PDE4D: variants seen among roughly 807,000 people sequenced by gnomAD.
PDE4D encodes the protein phosphodiesterase 4D.
A neutral mutation model predicts 87.4 loss-of-function variants in PDE4D; 24 were observed. The ratio of observed to expected loss-of-function variants is 0.27; its 90% CI spans 0.20 to 0.39. The LOEUF is 0.39. Among genes scored for constraint, PDE4D ranks in the 10% least tolerant of loss-of-function variants. The pLI is 1.00. For synonymous variants in PDE4D, 384 were observed against 383.2 expected (o/e 1.00, Z -0.02); for missense variants, 714 against 1,041.0 (o/e 0.69, Z 4.32).
intron 1 of PDE4D, among the ~76,000 whole-genome samples, chr5:60,411,706 T>C (rs1742061062): frequency 6.6e-6 from 1 of 152,196 alleles, no homozygotes. Flanking sequence ...AATCAGGGAT[T>C]AAAAACCAGA....
At position 59,397,451 on chromosome 5, in the gene PDE4D, G is replaced by A. The variant is rs555081839; in HGVS notation, c.456-181483C>T. Among the ~76,000 whole-genome samples, 9 of 118,406 alleles carry A rather than the reference G, an allele frequency of 7.6e-5. 2 individuals are homozygous for A. Among genetic ancestry groups the A allele is most frequent in the African/African-American group, 3.1e-4 (9 of 29,296 alleles). 77.7% of individuals were successfully genotyped at this position (118,406 alleles called of 152,430 possible). ...TCACTCAAAACCGCTCAACTACATG[G>A]AAACCGAACAACCTGCTCCTGAATG... On this transcript the variant is annotated intron_variant, in intron 1 of 14. Transcript: ENST00000340635.
chr5:59,470,010 C>A (rs1449678370), intron 1 of PDE4D, among the ~76,000 whole-genome samples: 1 of 152,054 alleles, frequency 6.6e-6, no homozygotes, highest in Non-Finnish European at 1.5e-5. Flanking sequence ...CAGGGCCCAC[C>A]AAGATAGCAT....
At chr5:59,733,720 T>A (rs1017111021) in intron 1 of PDE4D, among the ~76,000 whole-genome samples, 3 of 151,126 alleles carry the variant, frequency 2.0e-5, no homozygotes, top group African/African-American at 7.4e-5. Flanking sequence ...GGTAATAGCA[T>A]CCATATTACC....
chr5:59,877,707 T>C (rs56936926), intron 1 of PDE4D, among the ~76,000 whole-genome samples: 3,901 of 151,830 alleles, frequency 0.026, 162 homozygotes, highest in African/African-American at 0.09. Flanking sequence ...TGGTCCTAGC[T>C]ACTTGGGAGG....
chr5:59,302,342 C>T (rs1278497087), intron 1 of PDE4D, among the ~76,000 whole-genome samples: 1 of 151,644 alleles, frequency 6.6e-6, no homozygotes, highest in African/African-American at 2.4e-5. Flanking sequence ...CTTTACTTTG[C>T]TTCAATAAAC....
chr5:60,364,790 T>C (rs1003426591), intron 1 of PDE4D, among the ~76,000 whole-genome samples: 3 of 152,240 alleles, frequency 2.0e-5, no homozygotes, highest in Admixed American at 1.3e-4. Flanking sequence ...TGTAGATTAA[T>C]GTGCCTAAAA....
rs1159604257 is a variant in PDE4D at position 59,371,405 on chromosome 5, G to A, written c.456-155437C>T. ...AGATTAGAGGCAGAGAGACAATGTCGTGAACTTTCCCCCACTCGAATCCTC... is the reference window on the plus strand; with the variant it reads ...AGATTAGAGGCAGAGAGACAATGTCATGAACTTTCCCCCACTCGAATCCTC... On this transcript the variant is annotated intron_variant, in intron 1 of 14. Coordinates refer to ENST00000340635, the MANE Select transcript of PDE4D (RefSeq NM_001104631.2). Among the ~76,000 whole-genome samples the A allele has an allele frequency of 3.3e-5, 5 of 152,164 alleles. No homozygotes were observed. In the East Asian group the frequency reaches 7.7e-4, roughly 23 times the overall value.
At chr5:59,704,879 T>C (rs996505008) in intron 1 of PDE4D, among the ~76,000 whole-genome samples, 1 of 152,186 alleles carries the variant, frequency 6.6e-6, no homozygotes, top group African/African-American at 2.4e-5. Flanking sequence ...CCTTAAAATG[T>C]TTCCTTTGAA....
At chr5:60,290,991 T>C (rs1207638922) in intron 1 of PDE4D, among the ~76,000 whole-genome samples, 1 of 152,208 alleles carries the variant, frequency 6.6e-6, no homozygotes, top group Non-Finnish European at 1.5e-5. Flanking sequence ...CTGAATATTT[T>C]CTAAAGAACG....
chr5:59,064,628 T>A (rs1284471477), intron 5 of PDE4D, among the ~76,000 whole-genome samples: 4 of 152,172 alleles, frequency 2.6e-5, no homozygotes. Context: ...GGTGATTTGT[T>A]AATTCAGTTG....
intron 1 of PDE4D, among the ~76,000 whole-genome samples, chr5:59,573,644 A>G (rs552848391): frequency 1.2e-4 from 19 of 152,092 alleles, no homozygotes; most frequent in Middle Eastern, 3.4e-3. Context: ...AGAGCACTTG[A>G]GCACCTACCT....
At chr5:60,046,644 G>A (rs1168297755) in intron 2 of PDE4D, among the ~76,000 whole-genome samples, 5 of 150,142 alleles carry the variant, frequency 3.3e-5, no homozygotes, top group Non-Finnish European at 4.5e-5. Flanking sequence ...TTTGTCTTTG[G>A]TTCTGTTTAT....
chr5:60,337,657 T>C (rs527538074), intron 1 of PDE4D, among the ~76,000 whole-genome samples: 1 of 152,124 alleles, frequency 6.6e-6, no homozygotes, highest in East Asian at 1.9e-4. Context: ...TGTACACTAC[T>C]CGGTATCAGA....
intron 1 of PDE4D, among the ~76,000 whole-genome samples, chr5:59,878,874 T>G (rs2152744075): frequency 6.8e-6 from 1 of 146,086 alleles, no homozygotes; most frequent in African/African-American, 2.5e-5. Flanking sequence ...GGTCTACATA[T>G]CTACCGAAGT....
chr5:59,527,368 T>A (rs1291459226), intron 1 of PDE4D, among the ~76,000 whole-genome samples: 1 of 152,200 alleles, frequency 6.6e-6, no homozygotes, highest in East Asian at 1.9e-4. Context: ...TCTAGTACTA[T>A]GTTCACAAAG....
At chr5:59,533,863 G>A (rs746320791) in intron 1 of PDE4D, among the ~76,000 whole-genome samples, 2 of 152,110 alleles carry the variant, frequency 1.3e-5, no homozygotes, top group Non-Finnish European at 2.9e-5. Context: ...AATCTTGTTT[G>A]ATAGTGTATA....
intron 1 of PDE4D, among the ~76,000 whole-genome samples, chr5:59,409,322 A>G (rs1792253962): frequency 6.6e-6 from 1 of 152,178 alleles, no homozygotes; most frequent in Non-Finnish European, 1.5e-5. Context: ...GGAATGAGTT[A>G]TGACTCTGGG....
chr5:59,653,353 G>A (rs1208965127), intron 1 of PDE4D, among the ~76,000 whole-genome samples: 2 of 151,914 alleles, frequency 1.3e-5, no homozygotes, highest in Non-Finnish European at 2.9e-5. Flanking sequence ...ACAGGCGCCC[G>A]CCACCACGCC....
chr5:60,333,918 T>C (rs191231429), intron 1 of PDE4D, among the ~76,000 whole-genome samples: 16 of 152,216 alleles, frequency 1.1e-4, no homozygotes, highest in Non-Finnish European at 1.8e-4. Flanking sequence ...AACGGGTCAA[T>C]ATCAAGTCCA....
Sources: gnomAD v4.1 joint callset for allele counts (sites outside exome capture counted in the v4.1 genomes callset) on GRCh38, gnomAD v4.1.1 for gene constraint, MANE v1.5 for transcripts, NCBI Gene and HGNC (gene_info 2026-07-23, HGNC 2026-07-21) for gene names.